Variants in DGLUCY observed in about 807,000 individuals in gnomAD.
DGLUCY encodes the protein D-glutamate cyclase.
A neutral mutation model predicts 58.5 loss-of-function variants in DGLUCY; 58 were observed. The ratio of observed to expected loss-of-function variants is 0.99; its 90% CI spans 0.80 to 1.23. The LOEUF (loss-of-function observed/expected upper bound fraction) is 1.23, where lower values mean the gene tolerates loss of function less well. Ranked by LOEUF, DGLUCY falls within the 50% of genes most tolerant of loss-of-function variation. The probability of loss-of-function intolerance (pLI) is 0.00; values close to 1 mark genes in which losing one functional copy is unlikely to be tolerated. For missense variants in DGLUCY, 779 were observed against 784.7 expected, an observed-to-expected ratio of 0.99 and a Z score of 0.09; for synonymous variants, 325 against 314.1, an observed-to-expected ratio of 1.03 and a Z score of -0.37.
upstream of DGLUCY, among the ~76,000 whole-genome samples, chr14:91,106,314 C>G (rs572897064): frequency 1.1e-4 from 17 of 151,046 alleles, no homozygotes; most frequent in South Asian, 2.7e-3. Context: ...TTCCCTACCC[C>G]CCCCCAAAAA....
At chr14:91,071,381 T>C (rs140467211) in intron 1 of DGLUCY, among the ~76,000 whole-genome samples, 146 of 151,280 alleles carry the variant, frequency 9.7e-4, no homozygotes, top group Non-Finnish European at 1.8e-3. Flanking sequence ...GCAGTCATTC[T>C]TGAGCATGAA....
At chr14:91,200,026 C>T in intron 11 of DGLUCY, 121 bp downstream of exon 11, 5 of 1,263,426 alleles carry the variant, frequency 4.0e-6, no homozygotes, top group Middle Eastern at 2.0e-4. Context: ...ACGATCTTGG[C>T]TCACTGCAAC....
intron 13 of DGLUCY, among the ~76,000 whole-genome samples, chr14:91,218,339 T>C (rs1204317738): frequency 5.3e-5 from 8 of 152,064 alleles, no homozygotes; most frequent in Non-Finnish European, 1.2e-4. Flanking sequence ...TCCTTCTGCA[T>C]TTCTACCTAG....
chr14:91,155,755 C>A lies in DGLUCY; in HGVS notation c.-81-1884C>A, dbSNP rs909636476. On this transcript the variant is annotated intron_variant, in intron 1 of 13. Transcript: ENST00000256324. ...GAGGCTGCAGTGAATTGTGATTGTA[C>A]CACTGCACTCTAGCCTGGGCAAGAG... 5.9e-5 allele frequency among the ~76,000 whole-genome samples: 9 copies of A among 151,498 alleles called. 1 individual carries two copies. The highest frequency in any genetic ancestry group is 5.9e-4 in the Admixed American group (9 of 15,172).
chr14:91,201,089 T>C (rs1232714885), intron 11 of DGLUCY, among the ~76,000 whole-genome samples: 1 of 152,066 alleles, frequency 6.6e-6, no homozygotes, highest in African/African-American at 2.4e-5. Context: ...AAGTACATTA[T>C]GGCAAGGGCG....
Position 91,168,331 on chromosome 14 carries a change from A to G in DGLUCY, c.257+953A>G, listed in dbSNP as rs915138527. Among the ~76,000 whole-genome samples, 5 of 1,648 alleles carry G rather than the reference A, an allele frequency of 3.0e-3. No homozygotes were observed. The East Asian group carries it at 0.5, about 165-fold the overall frequency. 1.1% of individuals were successfully genotyped at this position (1,648 alleles called of 152,430 possible). A position where few individuals can be genotyped will look rare whatever the true frequency, so the allele number is the denominator to read the frequency against. ...TTCTTATGGCTTGGACCTCAGCCTG[A>G]TCTCAAGCCCATGGTGACCTGGCCC... On this transcript the variant is annotated intron_variant, in intron 4 of 13. Transcript: ENST00000256324.
intron 1 of DGLUCY, among the ~76,000 whole-genome samples, chr14:91,145,640 C>T (rs1011467711): frequency 3.3e-5 from 5 of 152,202 alleles, no homozygotes; most frequent in Admixed American, 3.3e-4. Context: ...CCCCCTCCTC[C>T]TCCTCACACC....
intron 6 of DGLUCY, among the ~76,000 whole-genome samples, chr14:91,173,998 G>C (rs2048721795): frequency 6.6e-6 from 1 of 152,074 alleles, no homozygotes; most frequent in African/African-American, 2.4e-5. Flanking sequence ...AAAGACTAAG[G>C]TAGGATTAGA....
chr14:91,150,146 T>C (rs554552552), intron 1 of DGLUCY, among the ~76,000 whole-genome samples: 1 of 138,418 alleles, frequency 7.2e-6, no homozygotes, highest in Non-Finnish European at 1.5e-5. Context: ...TTGAACCCAG[T>C]AGGTGGAAGT....
At chr14:91,167,695 G>A (rs1482903442) in intron 4 of DGLUCY, 2 of 698,848 alleles carry the variant, frequency 2.9e-6, no homozygotes, top group Middle Eastern at 2.3e-4. Context: ...GGATTAAGAA[G>A]AAAATAAAAA....
At chr14:91,171,410 A>G (rs1049306058) in intron 5 of DGLUCY, among the ~76,000 whole-genome samples, 27 of 152,218 alleles carry the variant, frequency 1.8e-4, no homozygotes, top group Admixed American at 1.4e-3. Context: ...TGCTTATCAA[A>G]TAGCTTTCAG....
chr14:91,134,562 C>T (rs939548531), intron 1 of DGLUCY, among the ~76,000 whole-genome samples: 3 of 152,000 alleles, frequency 2.0e-5, no homozygotes, highest in South Asian at 2.1e-4. Context: ...CTCAGCCTCC[C>T]GAGTAGCTGG....
At chr14:91,210,111 T>C in intron 12 of DGLUCY, among the ~76,000 whole-genome samples, 1 of 149,912 alleles carries the variant, frequency 6.7e-6, no homozygotes, top group African/African-American at 2.5e-5. Flanking sequence ...TGAAACCCCA[T>C]CTCTACAAAA....
At chr14:91,085,913 G>A (rs950249946) in intron 1 of DGLUCY, among the ~76,000 whole-genome samples, 1 of 152,166 alleles carries the variant, frequency 6.6e-6, no homozygotes, top group African/African-American at 2.4e-5. Flanking sequence ...CCCAGGCCAT[G>A]TACCAGTACT....
At chr14:91,214,513 G>A (rs1239800975) in intron 12 of DGLUCY, among the ~76,000 whole-genome samples, 1 of 152,268 alleles carries the variant, frequency 6.6e-6, no homozygotes, top group South Asian at 2.1e-4. Context: ...CCCTCTGAGG[G>A]TGGGCTTCCA....
Position 91,204,820 on chromosome 14 carries a change from T to C in DGLUCY, c.1559T>C (p.Ile520Thr). Residue 520 changes from isoleucine to threonine, a missense_variant, in exon 12 of 14, where the codon ATT becomes ACT. Transcript: ENST00000256324. Reference sequence around the variant, plus strand: ...GACGTGGAGGCTGACTTTGCCGTCATTGCTGGTGAGCACTCGGATGGCCGC... The same window carrying C: ...GACGTGGAGGCTGACTTTGCCGTCACTGCTGGTGAGCACTCGGATGGCCGC... ...ACDVEADFAV[I>T]AGVSNWGGYA... is the part of the protein sequence containing the mutation. 2 of 1,614,050 alleles carry C rather than the reference T, an allele frequency of 1.2e-6. No individual in the cohort carries two copies. The highest frequency in any genetic ancestry group is 1.7e-6 in the Non-Finnish European group (2 of 1,179,974).
At chr14:91,149,399 G>T (rs976723388) in intron 1 of DGLUCY, among the ~76,000 whole-genome samples, 2 of 152,226 alleles carry the variant, frequency 1.3e-5, no homozygotes, top group African/African-American at 4.8e-5. Flanking sequence ...TGATGGAGAT[G>T]TGTGGAGCCC....
At position 91,114,158 on chromosome 14, in the gene DGLUCY, C is replaced by G. The variant is rs2044767903; in HGVS notation, c.-207C>G. 6.6e-6 allele frequency: 1 copy of G among 152,332 alleles called. No individual in the cohort carries two copies. Among genetic ancestry groups the G allele is most frequent in the Non-Finnish European group, 1.5e-5 (1 of 68,116 alleles). The allele number at this position is 152,332 out of a possible 1,614,324, so 9.4% of individuals were successfully genotyped here. On this transcript the variant is annotated 5_prime_UTR_variant, in exon 1 of 14. Transcript: ENST00000256324. ...ACCCGAGCCCTGCAGAACAACCCCC[C>G]GTGGCGCAGGAGAGCAGAAGAAAGG...
chr14:91,070,330 G>A (rs2043894507), intron 1 of DGLUCY, among the ~76,000 whole-genome samples: 1 of 152,142 alleles, frequency 6.6e-6, no homozygotes, highest in African/African-American at 2.4e-5. Context: ...TGGGGGCCTT[G>A]GCACCTCCTG....
Sources: allele counts gnomAD v4.1 joint callset (sites outside exome capture counted in the v4.1 genomes callset), GRCh38; gene constraint gnomAD v4.1.1; transcripts MANE v1.5; gene names NCBI Gene and HGNC (gene_info 2026-07-23, HGNC 2026-07-21).